CD36: variants seen among roughly 807,000 people sequenced by gnomAD.
CD36 encodes the protein CD36 molecule (CD36 blood group).
CD36 carries 119 observed loss-of-function variants against 55.2 expected under a neutral mutation model. The observed-to-expected ratio is 2.15, with a 90% CI of 1.86 to 2.51. The LOEUF (loss-of-function observed/expected upper bound fraction) is 2.51, where lower values mean the gene tolerates loss of function less well. CD36 is among the 30% of genes most tolerant of loss of function. The probability of loss-of-function intolerance (pLI) is 0.00; values close to 1 mark genes in which losing one functional copy is unlikely to be tolerated. For synonymous variants in CD36, 186 were observed against 193.6 expected (o/e 0.96, Z 0.33); for missense variants, 819 against 555.5 (o/e 1.47, Z -4.77).
intron 9 of CD36, chr7:80,670,408 C>A (rs1197391270): frequency 1.1e-5 from 3 of 266,098 alleles, no homozygotes. Context: ...ACCCTTGAGC[C>A]CAAGCTCTGT....
chr7:80,612,928 T>C (rs1792954387), intron 1 of CD36, among the ~76,000 whole-genome samples: 1 of 152,154 alleles, frequency 6.6e-6, no homozygotes, highest in South Asian at 2.1e-4. Context: ...ATAAAAAATC[T>C]AGTAAGTGAT....
intron 9 of CD36, 123 bp downstream of exon 9, chr7:80,670,145 GTTC>G: frequency 1.4e-6 from 1 of 714,858 alleles, no homozygotes; most frequent in African/African-American, 1.8e-5. Flanking sequence ...TTTGCAAAAT[GTTC>G]TTCTGCATCT....
intron 1 of CD36, among the ~76,000 whole-genome samples, chr7:80,629,401 A>G (rs776434925): frequency 2.0e-5 from 3 of 152,068 alleles, no homozygotes; most frequent in Non-Finnish European, 2.9e-5. Context: ...TTCTGGGCAA[A>G]TGTATGTCCT....
At chr7:80,649,444 G>T (rs1795430841) in intron 3 of CD36, among the ~76,000 whole-genome samples, 1 of 151,836 alleles carries the variant, frequency 6.6e-6, no homozygotes, top group African/African-American at 2.4e-5. Context: ...TGCATAATCT[G>T]CACATTATAT....
rs568526878 is a variant in CD36 at position 80,659,665 on chromosome 7, A to T, written c.282-1398A>T. Among the ~76,000 whole-genome samples, 5 of 137,164 alleles carry T rather than the reference A, an allele frequency of 3.6e-5. No individual in the cohort carries two copies. The South Asian group carries it at 1.3e-3, about 36-fold the overall frequency. 90.0% of individuals were successfully genotyped at this position (137,164 alleles called of 152,430 possible). ...ATTTTTCTTCTAGTGACTGCCATCT[A>T]CTGGTATAATGTTGTCAGTACACTT... is the stretch of plus-strand genomic sequence containing the variant. On this transcript the variant is annotated intron_variant, in intron 4 of 14. Coordinates refer to ENST00000447544, the MANE Select transcript of CD36 (RefSeq NM_001001548.3).
intron 4 of CD36, among the ~76,000 whole-genome samples, chr7:80,657,678 AAG>A (rs1278607656): frequency 6.6e-6 from 1 of 152,128 alleles, no homozygotes; most frequent in African/African-American, 2.4e-5. Flanking sequence ...AAAGGGAAAA[AAG>A]GGGGAGATTG....
At chr7:80,667,317 C>G (rs1462281495) in intron 8 of CD36, among the ~76,000 whole-genome samples, 1 of 150,878 alleles carries the variant, frequency 6.6e-6, no homozygotes, top group African/African-American at 2.4e-5. Flanking sequence ...TTAGTTCCGG[C>G]TACTTGGGAG....
intron 2 of CD36, 148 bp from the exon 3 acceptor site, chr7:80,646,504 G>A (rs774082778): frequency 9.7e-6 from 5 of 514,832 alleles, no homozygotes; most frequent in African/African-American, 1.9e-5. Flanking sequence ...GAGACGGACC[G>A]AGGAAGCCAC....
At chr7:80,631,867 T>C (rs1794090750) in intron 1 of CD36, among the ~76,000 whole-genome samples, 1 of 151,746 alleles carries the variant, frequency 6.6e-6, no homozygotes, top group African/African-American at 2.4e-5. Context: ...CATATTTGTA[T>C]TTGTTTTTTA....
chr7:80,636,022 G>A (rs1794374320), upstream of CD36, among the ~76,000 whole-genome samples: 1 of 152,020 alleles, frequency 6.6e-6, no homozygotes, highest in South Asian at 2.1e-4. Context: ...AAAGGCAGGT[G>A]CAAAGTTCAG....
At chr7:80,617,983 C>A (rs1004753776) in intron 1 of CD36, among the ~76,000 whole-genome samples, 3 of 152,046 alleles carry the variant, frequency 2.0e-5, no homozygotes, top group Non-Finnish European at 4.4e-5. Flanking sequence ...AAGATGATTA[C>A]TATTTTCTGT....
chr7:80,665,063 TTTTAAC>T (rs1271846981), intron 7 of CD36, among the ~76,000 whole-genome samples: 1 of 152,146 alleles, frequency 6.6e-6, no homozygotes, highest in African/African-American at 2.4e-5. Flanking sequence ...AACTCAGCTT[TTTTAAC>T]TTTATCAATG....
At chr7:80,676,000 G>GTGTT (rs1417228107) in intron 14 of CD36, 1 of 152,120 alleles carries the variant, frequency 6.6e-6, no homozygotes, top group African/African-American at 2.4e-5. Flanking sequence ...GAATGGGAAT[G>GTGTT]TGTTTTGCCC....
intron 1 of CD36, among the ~76,000 whole-genome samples, chr7:80,642,255 G>T (rs1188969099): frequency 1.3e-5 from 2 of 151,974 alleles, no homozygotes; most frequent in African/African-American, 4.8e-5. Flanking sequence ...TCTTATAAAG[G>T]ACAAGTAACA....
At chr7:80,645,427 T>C (rs187724390) in intron 1 of CD36, among the ~76,000 whole-genome samples, 5 of 150,908 alleles carry the variant, frequency 3.3e-5, no homozygotes, top group Non-Finnish European at 7.4e-5. Context: ...AGGTCAGGAG[T>C]TCGAGACCAG....
chr7:80,666,292 C>T (rs961982679), intron 7 of CD36, 151 bp from the exon 8 acceptor site: 125 of 646,554 alleles, frequency 1.9e-4, no homozygotes, highest in Non-Finnish European at 2.4e-4. Flanking sequence ...TCAAACAAAA[C>T]ATAAACAGAA....
chr7:80,636,205 G>A (rs550181925), upstream of CD36, among the ~76,000 whole-genome samples: 11 of 152,226 alleles, frequency 7.2e-5, no homozygotes, highest in African/African-American at 2.6e-4. Flanking sequence ...AAGTGGGGGT[G>A]ATGAAATGGG....
intron 1 of CD36, among the ~76,000 whole-genome samples, chr7:80,625,447 G>T (rs879472361): frequency 1.3e-5 from 2 of 152,248 alleles, no homozygotes; most frequent in Non-Finnish European, 2.9e-5. Flanking sequence ...ATGGTTTGCC[G>T]CAGTGGGCAT....
At chr7:80,622,128 C>T (rs528362600) in intron 1 of CD36, among the ~76,000 whole-genome samples, 4 of 152,330 alleles carry the variant, frequency 2.6e-5, no homozygotes, top group Admixed American at 6.5e-5. Flanking sequence ...ACTTTCCCAC[C>T]TTCAGGTGGG....
Sources: gnomAD v4.1 joint callset for allele counts (sites outside exome capture counted in the v4.1 genomes callset) on GRCh38, gnomAD v4.1.1 for gene constraint, MANE v1.5 for transcripts, NCBI Gene and HGNC (gene_info 2026-07-23, HGNC 2026-07-21) for gene names.